The following SMYD3 variants were observed in gnomAD, a reference collection of about 807,000 sequenced individuals.
The protein encoded by SMYD3 is histone-lysine N-methyltransferase SMYD3.
In SMYD3, 36 loss-of-function variants were observed where a neutral mutation model predicts 57.7. The observed-to-expected ratio is 0.62, with a 90% CI of 0.48 to 0.82. SMYD3 has a LOEUF of 0.82. Ranked by LOEUF, SMYD3 falls within the 40% of genes least tolerant of loss-of-function variation. The probability of loss-of-function intolerance (pLI) is 0.00; values close to 1 mark genes in which losing one functional copy is unlikely to be tolerated. For missense variants in SMYD3, 515 were observed against 538.8 expected (o/e 0.96, Z 0.44); for synonymous variants, 211 against 195.0 (o/e 1.08, Z -0.68).
chr1:245,793,082 G>A (rs1473831759), intron 10 of SMYD3, among the ~76,000 whole-genome samples: 10 of 51,860 alleles, frequency 1.9e-4, no homozygotes, highest in Non-Finnish European at 2.8e-4. Flanking sequence ...AGGCCGAGGC[G>A]GGTGATCACG....
At chr1:245,978,662 G>A (rs2058516306) in intron 5 of SMYD3, among the ~76,000 whole-genome samples, 1 of 152,124 alleles carries the variant, frequency 6.6e-6, no homozygotes, top group Admixed American at 6.5e-5. Context: ...CAGCGTTTCG[G>A]AGCCTGGCCA....
intron 5 of SMYD3, among the ~76,000 whole-genome samples, chr1:246,237,996 A>C (rs1050565988): frequency 6.6e-6 from 1 of 152,104 alleles, no homozygotes; most frequent in Non-Finnish European, 1.5e-5. Context: ...AATACACTCT[A>C]TCTTGGGTGA....
chr1:246,455,722 T>C (rs2067692202), intron 1 of SMYD3, among the ~76,000 whole-genome samples: 2 of 152,256 alleles, frequency 1.3e-5, no homozygotes, highest in Non-Finnish European at 2.9e-5. Flanking sequence ...GGCAGGCTAT[T>C]TCATGCCTCA....
At chr1:246,447,517 AACTG>A (rs61627274) in intron 1 of SMYD3, among the ~76,000 whole-genome samples, 5,956 of 152,262 alleles carry the variant, frequency 0.039, 325 homozygotes, top group African/African-American at 0.13. Context: ...ACGAGACAGA[AACTG>A]ACTGATTCAG....
At chr1:245,838,224 G>A (rs10754477) in intron 10 of SMYD3, among the ~76,000 whole-genome samples, 62,747 of 152,084 alleles carry the variant, frequency 0.41, 14,938 homozygotes, top group East Asian at 0.85. Flanking sequence ...GGCTCTCCTC[G>A]CTTGGTTCAT....
At chr1:245,915,807 G>A (rs570160316) in intron 7 of SMYD3, among the ~76,000 whole-genome samples, 167 bp from the exon 8 acceptor site, 2 of 152,252 alleles carry the variant, frequency 1.3e-5, no homozygotes, top group Admixed American at 6.5e-5. Context: ...ATGATCACAC[G>A]TAAATTTTTA....
intron 11 of SMYD3, among the ~76,000 whole-genome samples, chr1:245,763,397 G>A (rs537342954): frequency 6.6e-6 from 1 of 152,304 alleles, no homozygotes; most frequent in South Asian, 2.1e-4. Context: ...AGCTGTAGGG[G>A]TAGGACCACA....
At chr1:246,472,410 T>C (rs2067973014) in intron 1 of SMYD3, among the ~76,000 whole-genome samples, 2 of 152,322 alleles carry the variant, frequency 1.3e-5, no homozygotes, top group South Asian at 4.1e-4. Flanking sequence ...TTATTTTGTT[T>C]TTAAATTTTT....
chr1:246,034,946 C>T (rs1011970397), intron 5 of SMYD3, among the ~76,000 whole-genome samples: 26 of 152,158 alleles, frequency 1.7e-4, no homozygotes, highest in Admixed American at 1.6e-3. Flanking sequence ...AATACAGACA[C>T]ACAGACACCT....
intron 10 of SMYD3, among the ~76,000 whole-genome samples, chr1:245,784,843 ATTTT>A (rs74163079): frequency 8.6e-6 from 1 of 115,732 alleles, no homozygotes; most frequent in African/African-American, 3.6e-5. Context: ...TTTAGACTGA[ATTTT>A]TTTTTTTTTT....
rs920131337 is a variant in SMYD3, at chr1:246,326,593, AAC to A, written c.531+606_531+607del. 1.2e-3 allele frequency among the ~76,000 whole-genome samples: 126 copies of A among 101,352 alleles called. 4 individuals are homozygous for A. In the South Asian group the frequency reaches 0.035, roughly 28 times the overall value. 66.5% of individuals were successfully genotyped at this position (101,352 alleles called of 152,430 possible). A position where few individuals can be genotyped will look rare whatever the true frequency, so the allele number is the denominator to read the frequency against. The stretch of plus-strand genomic sequence containing the variant: ...GTTCAAGACCATCCGTCTCTACAAA[AAC>A]AAAAAAAAAAAAACAAAATTTAGCT... On this transcript the variant is annotated intron_variant, in intron 5 of 11. Transcript: ENST00000490107.
chr1:246,399,699 G>A (rs1481855613), intron 1 of SMYD3, among the ~76,000 whole-genome samples: 1 of 152,080 alleles, frequency 6.6e-6, no homozygotes, highest in African/African-American at 2.4e-5. Flanking sequence ...AAACAAAAAT[G>A]AAAAAGACAC....
chr1:245,889,280 A>C (rs925315599), intron 8 of SMYD3, among the ~76,000 whole-genome samples: 1 of 152,230 alleles, frequency 6.6e-6, no homozygotes, highest in African/African-American at 2.4e-5. Context: ...TTATTTTTGC[A>C]TGGCACCATG....
intron 5 of SMYD3, among the ~76,000 whole-genome samples, chr1:246,119,895 C>T (rs906616788): frequency 6.6e-6 from 1 of 152,120 alleles, no homozygotes; most frequent in Non-Finnish European, 1.5e-5. Context: ...TGGCTGAGAT[C>T]CCTATAACAA....
intron 5 of SMYD3, among the ~76,000 whole-genome samples, chr1:246,235,244 TA>T (rs1252539628): frequency 6.6e-6 from 1 of 152,208 alleles, no homozygotes; most frequent in Non-Finnish European, 1.5e-5. Flanking sequence ...TCATAAATCC[TA>T]CATTAGTTTC....
intron 2 of SMYD3, among the ~76,000 whole-genome samples, chr1:246,343,779 C>A (rs577136446): frequency 2.0e-5 from 3 of 152,206 alleles, no homozygotes; most frequent in South Asian, 4.2e-4. Context: ...GGTCTTCCTG[C>A]CCTGACTCTT....
At chr1:246,030,109 C>T (rs1458476771) in intron 5 of SMYD3, among the ~76,000 whole-genome samples, 1 of 151,628 alleles carries the variant, frequency 6.6e-6, no homozygotes, top group African/African-American at 2.4e-5. Flanking sequence ...CTGAATCAAC[C>T]TAAATATCCA....
At chr1:245,825,064 T>A (rs1278254077) in intron 10 of SMYD3, among the ~76,000 whole-genome samples, 2 of 151,908 alleles carry the variant, frequency 1.3e-5, no homozygotes, top group African/African-American at 4.8e-5. Flanking sequence ...CAGGAAAATG[T>A]AAACTCGCCA....
rs559856050 is a variant in SMYD3 at position 245,810,352 on chromosome 1, C to A, written c.1077-46203G>T. Among the ~76,000 whole-genome samples, 19 of 152,308 alleles carry A rather than the reference C, an allele frequency of 1.2e-4. 1 individual carries two copies. Among genetic ancestry groups the A allele is most frequent in the South Asian group, 1.0e-3 (5 of 4,826 alleles). The stretch of plus-strand genomic sequence containing the variant: ...CTGGTGATCCCTCCCCTGGGGATGA[C>A]CCCCATGACTCTGGCGCCCTGAGGC... On this transcript the variant is annotated intron_variant, in intron 10 of 11. Coordinates refer to ENST00000490107, the MANE Select transcript of SMYD3 (RefSeq NM_001167740.2).
Sources: allele counts gnomAD v4.1 joint callset (sites outside exome capture counted in the v4.1 genomes callset), GRCh38; gene constraint gnomAD v4.1.1; transcripts MANE v1.5; gene names NCBI Gene and HGNC (gene_info 2026-07-23, HGNC 2026-07-21).